NMT2: variants seen among roughly 807,000 people sequenced by gnomAD.
NMT2 encodes the protein glycylpeptide N-tetradecanoyltransferase 2.
In NMT2, 35 loss-of-function variants were observed where a neutral mutation model predicts 65.4. The ratio of observed to expected loss-of-function variants is 0.54; its 90% CI spans 0.41 to 0.71. NMT2 has a LOEUF of 0.71. Among genes scored for constraint, NMT2 ranks in the 30% least tolerant of loss-of-function variants. The pLI is 0.00. For missense variants in NMT2, 489 were observed against 611.3 expected, an observed-to-expected ratio of 0.80 and a Z score of 2.11; for synonymous variants, 226 against 231.8, an observed-to-expected ratio of 0.98 and a Z score of 0.23.
chr10:15,108,109 T>C lies in NMT2; in HGVS notation c.*1086A>G, dbSNP rs1845369708. 4.1e-6 allele frequency: 4 copies of C among 985,490 alleles called. No individual in the cohort carries two copies. The highest frequency in any genetic ancestry group is 4.8e-6 in the Non-Finnish European group (4 of 829,908). 61.0% of individuals were successfully genotyped at this position (985,490 alleles called of 1,614,324 possible). A position where few individuals can be genotyped will look rare whatever the true frequency, so the allele number is the denominator to read the frequency against. On this transcript the variant is annotated 3_prime_UTR_variant, in exon 12 of 12. Coordinates refer to ENST00000378165, the MANE Select transcript of NMT2 (RefSeq NM_004808.3). Reference sequence around the variant, plus strand: ...AGTTTTTTATTTCCTTTTCTTCATATATCCTTGATGTTGCTGAGAAGAAAC... The same window carrying C: ...AGTTTTTTATTTCCTTTTCTTCATACATCCTTGATGTTGCTGAGAAGAAAC...
At chr10:15,123,911 T>A (rs1846003033) in intron 8 of NMT2, among the ~76,000 whole-genome samples, 1 of 152,162 alleles carries the variant, frequency 6.6e-6, no homozygotes, top group Admixed American at 6.5e-5. Context: ...TTGTTATCTG[T>A]CAAGTTGTGG....
At chr10:15,155,353 C>T (rs773308651) in intron 1 of NMT2, 38 of 883,942 alleles carry the variant, frequency 4.3e-5, no homozygotes, top group South Asian at 3.6e-4. Flanking sequence ...GTGGCGGTGG[C>T]GTCTGCAAAG....
Position 15,133,302 on chromosome 10 carries a change from C to T in NMT2, c.453G>A (p.Pro151=), listed in dbSNP as rs763159297. The T allele has an allele frequency of 3.7e-5, 59 of 1,613,976 alleles. No individual in the cohort carries two copies. Among genetic ancestry groups the T allele is most frequent in the Non-Finnish European group, 4.7e-5 (56 of 1,179,982 alleles). The change falls in exon 4 of 12, where the codon CCG becomes CCA. Residue 151 remains proline, a synonymous_variant. Coordinates refer to ENST00000378165, the MANE Select transcript of NMT2 (RefSeq NM_004808.3). ...EPDKDNVRQE[P]YSLPQGFMWD... ...ACATAAAACCCTGTGGCAAAGAATA[C>T]GGTTCTTGGCGTACGTTGTCTTTAT...
At chr10:15,155,347 C>A (rs779398124) in intron 1 of NMT2, 1 of 940,152 alleles carries the variant, frequency 1.1e-6, no homozygotes, top group African/African-American at 1.7e-5. Context: ...CTCCTGGTGG[C>A]GGTGGCGTCT....
chr10:15,106,807 G>C lies in NMT2; in HGVS notation c.*2388C>G, dbSNP rs1845318550. ...AAGCAGCCATAGGCAATATGTAAAT[G>C]AAAGTGGCTGTGGCCAAGAGTGGTG... On this transcript the variant is annotated 3_prime_UTR_variant, in exon 12 of 12. Transcript: ENST00000378165. 8.1e-6 allele frequency: 2 copies of C among 246,650 alleles called. No individual in the cohort carries two copies. The highest frequency in any genetic ancestry group is 4.6e-5 in the African/African-American group (2 of 43,238). 15.3% of individuals were successfully genotyped at this position (246,650 alleles called of 1,614,324 possible).
intron 8 of NMT2, among the ~76,000 whole-genome samples, chr10:15,127,094 G>C (rs1343906115): frequency 6.6e-6 from 1 of 151,436 alleles, no homozygotes; most frequent in Non-Finnish European, 1.5e-5. Context: ...AATCAGTTGG[G>C]TGTGGTGGCA....
chr10:15,112,216 A>ATACATATATATATTTTTTTTT (rs1564557570), intron 10 of NMT2, among the ~76,000 whole-genome samples: 1 of 12,256 alleles, frequency 8.2e-5, no homozygotes, highest in Non-Finnish European at 1.4e-4. Flanking sequence ...ATATATATAT[A>ATACATATATATATTTTTTTTT]TTTTTTTTTT....
chr10:15,164,182 C>CAAA (rs34847914), intron 1 of NMT2, among the ~76,000 whole-genome samples: 6 of 69,848 alleles, frequency 8.6e-5, no homozygotes, highest in South Asian at 7.0e-4. Context: ...GAATTGGTCT[C>CAAA]AAAAAAAAAA....
chr10:15,132,600 T>A (rs1213984704), intron 6 of NMT2, among the ~76,000 whole-genome samples: 2 of 152,072 alleles, frequency 1.3e-5, no homozygotes, highest in Admixed American at 1.3e-4. Flanking sequence ...ACTAATTTTG[T>A]ATTTTTAGTA....
chr10:15,127,546 C>CAAAAAAAAAAAAAAAAAATAA (rs1846118425), intron 8 of NMT2, among the ~76,000 whole-genome samples: 1 of 51,370 alleles, frequency 1.9e-5, no homozygotes, highest in African/African-American at 4.9e-5. Context: ...GACTCCGTCT[C>CAAAAAAAAAAAAAAAAAATAA]AAAAAAAAAA....
intron 8 of NMT2, among the ~76,000 whole-genome samples, chr10:15,123,763 T>G (rs762004175): frequency 2.0e-5 from 3 of 152,172 alleles, no homozygotes; most frequent in Non-Finnish European, 4.4e-5. Flanking sequence ...AAACTCTGTA[T>G]CTGAATCAGA....
intron 6 of NMT2, 114 bp from the exon 7 acceptor site, chr10:15,130,426 G>C (rs1047544489): frequency 2.0e-5 from 17 of 844,950 alleles, no homozygotes; most frequent in Non-Finnish European, 2.6e-5. Flanking sequence ...AAGAATGCAG[G>C]CTGGGAACAC....
At chr10:15,118,438 C>T (rs1235445032) in intron 9 of NMT2, among the ~76,000 whole-genome samples, 2 of 152,122 alleles carry the variant, frequency 1.3e-5, no homozygotes, top group Admixed American at 6.5e-5. Context: ...ACTCGGGAGG[C>T]GGAGGCAGGA....
rs916203329 is a variant in NMT2 at position 15,165,644 on chromosome 10, G to A, written c.110+2859C>T. On this transcript the variant is annotated intron_variant, in intron 1 of 11. Coordinates refer to ENST00000378165, the MANE Select transcript of NMT2 (RefSeq NM_004808.3). ...TGTAATCCCAGCACTTTGGGAGGCCGAGGCAAGCATATCACCTAAGGTCAG... is the reference window on the plus strand; with the variant it reads ...TGTAATCCCAGCACTTTGGGAGGCCAAGGCAAGCATATCACCTAAGGTCAG... Among the ~76,000 whole-genome samples, 8 of 152,194 alleles carry A rather than the reference G, an allele frequency of 5.3e-5. No homozygotes were observed. In the East Asian group the frequency reaches 7.7e-4, roughly 15 times the overall value.
chr10:15,131,986 C>T (rs757186088), intron 6 of NMT2, among the ~76,000 whole-genome samples: 15 of 152,082 alleles, frequency 9.9e-5, no homozygotes, highest in Non-Finnish European at 1.8e-4. Context: ...GTGCCTCAGC[C>T]TCCCAAATAG....
In NMT2 at chr10:15,132,925, C is replaced by T. The variant is rs149229412; in HGVS notation, c.611G>A (p.Arg204His). Residue 204 changes from arginine to histidine, a missense_variant, in exon 6 of 12, where the codon CGT becomes CAT. Transcript: ENST00000378165. The part of the protein sequence containing the change: ...YSPEFLLWAL[R>H]PPGWLLQWHC... ...CCACTGCAGGAGCCAGCCTGGTGGA[C>T]GCAGAGCCCTGAGGTCACGGTAGAC... 8.9e-4 allele frequency: 1,433 copies of T among 1,612,430 alleles called. 5 individuals carry two copies. The highest frequency in any genetic ancestry group is 6.1e-3 in the Middle Eastern group (37 of 6,052).
chr10:15,119,255 G>A, intron 9 of NMT2, 88 bp downstream of exon 9: 2 of 1,125,700 alleles, frequency 1.8e-6, no homozygotes, highest in Non-Finnish European at 2.6e-6. Context: ...TGATGAAATA[G>A]AAGGAAGTGT....
At chr10:15,123,328 C>T (rs919075599) in intron 8 of NMT2, among the ~76,000 whole-genome samples, 1 of 152,008 alleles carries the variant, frequency 6.6e-6, no homozygotes, top group African/African-American at 2.4e-5. Context: ...AGGCGGATCA[C>T]AAGGTCAAGA....
chr10:15,163,327 G>C (rs564851121), intron 1 of NMT2, among the ~76,000 whole-genome samples: 55 of 152,320 alleles, frequency 3.6e-4, no homozygotes, highest in African/African-American at 1.3e-3. Flanking sequence ...AAAATAAAGT[G>C]ATTTTAACTA....
Sources: gnomAD v4.1 joint callset for allele counts (sites outside exome capture counted in the v4.1 genomes callset) on GRCh38, gnomAD v4.1.1 for gene constraint, MANE v1.5 for transcripts, NCBI Gene and HGNC (gene_info 2026-07-23, HGNC 2026-07-21) for gene names.